The following SOS2 variants were observed in gnomAD, a reference collection of about 807,000 sequenced individuals.
SOS2 encodes son of sevenless homolog 2.
In SOS2, 65 loss-of-function variants were observed where a neutral mutation model predicts 148.2. That is an observed-to-expected ratio of 0.44 (90% CI 0.36 to 0.54). SOS2 has a LOEUF of 0.54. Ranked by LOEUF, SOS2 falls within the 20% of genes least tolerant of loss-of-function variation. The pLI is 0.00. For missense variants in SOS2, 1,341 were observed against 1,590.2 expected (o/e 0.84, Z 2.67); for synonymous variants, 539 against 537.1 (o/e 1.00, Z -0.05).
At chr14:50,177,372 T>G (rs1206369217) in intron 7 of SOS2, among the ~76,000 whole-genome samples, 2 of 152,194 alleles carry the variant, frequency 1.3e-5, no homozygotes, top group African/African-American at 4.8e-5. Flanking sequence ...ATGCTTTTTG[T>G]TTTTAGTTTT....
chr14:50,144,496 G>T (rs1302452164), intron 16 of SOS2, among the ~76,000 whole-genome samples: 1 of 151,972 alleles, frequency 6.6e-6, no homozygotes, highest in African/African-American at 2.4e-5. Context: ...GGAGTGCAGT[G>T]GTGTGATCTC....
At chr14:50,178,919 G>A (rs2139695739) in intron 7 of SOS2, among the ~76,000 whole-genome samples, 1 of 151,888 alleles carries the variant, frequency 6.6e-6, no homozygotes, top group East Asian at 1.9e-4. Flanking sequence ...TTTTTTAGTA[G>A]AGACAGGGTT....
chr14:50,136,356 G>T (rs1339360697), intron 18 of SOS2, among the ~76,000 whole-genome samples: 1 of 152,080 alleles, frequency 6.6e-6, no homozygotes, highest in African/African-American at 2.4e-5. Flanking sequence ...TTAAATGGTG[G>T]TAGGAACCCT....
intron 8 of SOS2, among the ~76,000 whole-genome samples, chr14:50,171,539 C>G (rs1043333156): frequency 4.6e-5 from 7 of 151,918 alleles, no homozygotes; most frequent in Non-Finnish European, 8.8e-5. Context: ...CAAAAATTAG[C>G]TGGGCATGGT....
At chr14:50,131,527 T>C (rs953640041) in intron 19 of SOS2, among the ~76,000 whole-genome samples, 3 of 151,186 alleles carry the variant, frequency 2.0e-5, no homozygotes, top group African/African-American at 7.3e-5. Flanking sequence ...TATTATAACA[T>C]GTCTGAACAG....
chr14:50,180,235 C>G (rs955770375), intron 7 of SOS2, among the ~76,000 whole-genome samples: 2 of 150,168 alleles, frequency 1.3e-5, no homozygotes, highest in African/African-American at 4.9e-5. Flanking sequence ...AACTCCTGAC[C>G]TCAAGTGATC....
intron 21 of SOS2, 95 bp downstream of exon 21, chr14:50,129,866 T>C: frequency 1.4e-6 from 1 of 728,228 alleles, no homozygotes; most frequent in Non-Finnish European, 2.3e-6. Flanking sequence ...TTTCTTGTTC[T>C]TTAATATTGC....
In SOS2 at chr14:50,138,887, C is replaced by T. The variant is rs1026050933; in HGVS notation, c.2786-103G>A. On this transcript the variant is annotated intron_variant, in intron 17 of 22. Coordinates refer to ENST00000216373, the MANE Select transcript of SOS2 (RefSeq NM_006939.4). Reference sequence around the variant, plus strand: ...TGATCTAGTAAAGTTGAAAGACATCCTATACTATTCAGCAACTCTACTACT... The same window carrying T: ...TGATCTAGTAAAGTTGAAAGACATCTTATACTATTCAGCAACTCTACTACT... The T allele has an allele frequency of 9.9e-5, 45 of 455,630 alleles. No homozygotes were observed. The East Asian group carries it at 1.6e-3, about 16-fold the overall frequency. 28.2% of individuals were successfully genotyped at this position (455,630 alleles called of 1,614,324 possible). A position where few individuals can be genotyped will look rare whatever the true frequency, so the allele number is the denominator to read the frequency against.
At chr14:50,189,101 A>ACACACACG (rs1211549227) in intron 4 of SOS2, among the ~76,000 whole-genome samples, 1 of 144,976 alleles carries the variant, frequency 6.9e-6, no homozygotes, top group African/African-American at 2.6e-5. Context: ...ACACACACAC[A>ACACACACG]CGCACACACA....
intron 8 of SOS2, among the ~76,000 whole-genome samples, chr14:50,172,937 C>T (rs1181074889): frequency 1.3e-5 from 2 of 152,312 alleles, no homozygotes; most frequent in Non-Finnish European, 2.9e-5. Context: ...GAACTTCTGT[C>T]TACTTTCAGA....
intron 5 of SOS2, among the ~76,000 whole-genome samples, chr14:50,186,601 C>G (rs1212751003): frequency 3.4e-5 from 5 of 147,210 alleles, no homozygotes; most frequent in African/African-American, 1.3e-4. Flanking sequence ...AACAACATAG[C>G]AAGACCCCCA....
chr14:50,179,402 T>G (rs958010163), intron 7 of SOS2, among the ~76,000 whole-genome samples: 6 of 152,114 alleles, frequency 3.9e-5, no homozygotes, highest in Non-Finnish European at 7.4e-5. Flanking sequence ...TTATTTTTTT[T>G]GAGACTGGGT....
chr14:50,218,942 GTC>G (rs1042849986), intron 1 of SOS2, among the ~76,000 whole-genome samples: 5 of 152,000 alleles, frequency 3.3e-5, no homozygotes, highest in African/African-American at 9.7e-5. Context: ...GTGAAACCCT[GTC>G]TCTACTAAAA....
At chr14:50,192,184 G>A (rs182364276) in intron 4 of SOS2, among the ~76,000 whole-genome samples, 2 of 143,694 alleles carry the variant, frequency 1.4e-5, no homozygotes, top group African/African-American at 2.6e-5. Context: ...AAAGGAGCGA[G>A]CAAGCTAGCT....
At position 50,118,627 on chromosome 14, in the gene SOS2, A is replaced by C. The variant is rs765551658; in HGVS notation, c.3716T>G (p.Leu1239Arg). The C allele has an allele frequency of 7.4e-6, 12 of 1,614,080 alleles. No homozygotes were observed. In the South Asian group the frequency reaches 1.3e-4, roughly 18 times the overall value. ...NCPFNLQPPP[L>R]GHLHRDSDWL... is the part of the protein sequence containing the mutation. ...GTCTGAATCTCTGTGAAGATGCCCC[A>C]GTGGAGGTGGCTGAAGATTAAATGG... The change falls in exon 23 of 23, where the codon CTG becomes CGG. Residue 1239 changes from leucine to arginine, a missense_variant. By Grantham distance (102) the Leu-to-Arg change is moderately radical. Coordinates refer to ENST00000216373, the MANE Select transcript of SOS2 (RefSeq NM_006939.4).
intron 13 of SOS2, among the ~76,000 whole-genome samples, chr14:50,152,118 ATTC>A (rs1884678313): frequency 6.6e-6 from 1 of 152,252 alleles, no homozygotes; most frequent in Non-Finnish European, 1.5e-5. Flanking sequence ...AAGGAATAAC[ATTC>A]TTAACTTTAA....
chr14:50,222,507 G>A (rs1017037302), intron 1 of SOS2, among the ~76,000 whole-genome samples: 1 of 152,208 alleles, frequency 6.6e-6, no homozygotes, highest in Non-Finnish European at 1.5e-5. Context: ...GAAGCAGGAG[G>A]ATGTAGCAGT....
intron 1 of SOS2, among the ~76,000 whole-genome samples, chr14:50,217,936 C>T (rs1279906066): frequency 2.6e-5 from 4 of 151,512 alleles, no homozygotes; most frequent in African/African-American, 9.7e-5. Flanking sequence ...GCCTGGGCGA[C>T]AGAGCGAGAC....
intron 5 of SOS2, 108 bp downstream of exon 5, chr14:50,188,389 C>A (rs1885996083): frequency 4.1e-6 from 3 of 740,034 alleles, no homozygotes; most frequent in East Asian, 2.8e-5. Flanking sequence ...GCCTGGGCAA[C>A]AGAGCAAGAC....
Sources: gnomAD v4.1 joint callset for allele counts (sites outside exome capture counted in the v4.1 genomes callset) on GRCh38, gnomAD v4.1.1 for gene constraint, MANE v1.5 for transcripts, NCBI Gene and HGNC (gene_info 2026-07-23, HGNC 2026-07-21) for gene names.